The following FILIP1L variants were observed in gnomAD, a reference collection of about 807,000 sequenced individuals.
The protein encoded by FILIP1L is filamin A-interacting protein 1-like.
A neutral mutation model predicts 96.6 loss-of-function variants in FILIP1L; 55 were observed. The observed-to-expected ratio is 0.57, with a 90% CI of 0.46 to 0.71. FILIP1L has a LOEUF of 0.71. Among genes scored for constraint, FILIP1L ranks in the 30% least tolerant of loss-of-function variants. The pLI is 0.00. For missense variants in FILIP1L, 1,304 were observed against 1,321.2 expected (o/e 0.99, Z 0.20); for synonymous variants, 467 against 473.9 (o/e 0.99, Z 0.19).
intron 1 of FILIP1L, among the ~76,000 whole-genome samples, chr3:100,105,320 G>C (rs886903586): frequency 6.6e-6 from 1 of 152,148 alleles, no homozygotes; most frequent in Non-Finnish European, 1.5e-5. Flanking sequence ...ACTCAGGAAA[G>C]ACATGAGCAA....
rs116834279 is a variant in FILIP1L at position 100,024,154 on chromosome 3, A to G, written c.-11+89899T>C. ...AGGTCTTTCAGTGTCATGGTCGCCTATTTCATCTGGTTGTAAATAACAGCC... is the reference window on the plus strand; with the variant it reads ...AGGTCTTTCAGTGTCATGGTCGCCTGTTTCATCTGGTTGTAAATAACAGCC... On this transcript the variant is annotated intron_variant, in intron 1 of 5. Coordinates refer to ENST00000477258, the MANE Select transcript of FILIP1L (RefSeq NM_001387850.1). 4.2e-3 allele frequency among the ~76,000 whole-genome samples: 645 copies of G among 152,102 alleles called. 4 individuals are homozygous for G. Among genetic ancestry groups the G allele is most frequent in the African/African-American group, 0.014 (600 of 41,504 alleles).
intron 1 of FILIP1L, among the ~76,000 whole-genome samples, chr3:100,018,022 GT>G (rs1710395206): frequency 6.6e-6 from 1 of 152,016 alleles, no homozygotes; most frequent in Non-Finnish European, 1.5e-5. Flanking sequence ...GTTGTGCACA[GT>G]GACCAATATG....
chr3:100,009,154 G>T (rs1407718678), intron 1 of FILIP1L, among the ~76,000 whole-genome samples: 4 of 152,160 alleles, frequency 2.6e-5, no homozygotes, highest in Non-Finnish European at 4.4e-5. Flanking sequence ...GCAAGTGACT[G>T]AACTTACTGA....
intron 1 of FILIP1L, among the ~76,000 whole-genome samples, chr3:100,086,046 G>A (rs533893637): frequency 1.3e-5 from 2 of 152,166 alleles, no homozygotes; most frequent in Non-Finnish European, 2.9e-5. Context: ...AATATGATTC[G>A]TGTTAGAGAG....
chr3:99,841,902 C>T (rs559926812), intron 5 of FILIP1L, among the ~76,000 whole-genome samples: 9 of 152,194 alleles, frequency 5.9e-5, no homozygotes, highest in African/African-American at 1.4e-4. Context: ...TAAACTAGTA[C>T]GAGCATGGAA....
At chr3:99,992,022 A>G (rs1188407062) in intron 1 of FILIP1L, among the ~76,000 whole-genome samples, 2 of 150,676 alleles carry the variant, frequency 1.3e-5, no homozygotes, top group Non-Finnish European at 3.0e-5. Context: ...GTATATATAT[A>G]TATACGTGTA....
chr3:99,993,978 C>A (rs1437273690), intron 1 of FILIP1L, among the ~76,000 whole-genome samples: 4 of 152,104 alleles, frequency 2.6e-5, no homozygotes, highest in Non-Finnish European at 4.4e-5. Context: ...GTGATACTGG[C>A]CTCATAGAAT....
chr3:99,879,833 C>G (rs1705661522), intron 4 of FILIP1L, among the ~76,000 whole-genome samples: 2 of 152,112 alleles, frequency 1.3e-5, no homozygotes, highest in South Asian at 4.1e-4. Flanking sequence ...TCTTATGGAC[C>G]TGGTCCTGTA....
intron 1 of FILIP1L, among the ~76,000 whole-genome samples, chr3:100,024,012 C>T (rs960049812): frequency 2.0e-5 from 3 of 152,160 alleles, no homozygotes. Context: ...TTCACTCCCC[C>T]TTCAGCTGAC....
chr3:99,990,782 TA>T (rs199614454), intron 1 of FILIP1L, among the ~76,000 whole-genome samples: 20 of 151,038 alleles, frequency 1.3e-4, no homozygotes, highest in African/African-American at 3.2e-4. Flanking sequence ...ATATTTGTAA[TA>T]AAAAAAAATA....
In FILIP1L at chr3:100,030,113, G is replaced by A. The variant is rs1288646571; in HGVS notation, c.-11+83940C>T. 6.6e-5 allele frequency among the ~76,000 whole-genome samples: 10 copies of A among 152,158 alleles called. No homozygotes were observed. In the South Asian group the frequency reaches 1.4e-3, roughly 22 times the overall value. On this transcript the variant is annotated intron_variant, in intron 1 of 5. Transcript: ENST00000477258. ...ACAGATAAGGAAACGGAGACCCAAC[G>A]AGCACCAAACACTTGCCTAAAGTCA...
At chr3:100,079,068 A>G (rs1467241717) in intron 1 of FILIP1L, among the ~76,000 whole-genome samples, 4 of 152,174 alleles carry the variant, frequency 2.6e-5, no homozygotes, top group Non-Finnish European at 5.9e-5. Flanking sequence ...GACCTCTGCA[A>G]TAGCATTCAG....
intron 5 of FILIP1L, among the ~76,000 whole-genome samples, chr3:99,842,412 A>T (rs957159454): frequency 1.5e-4 from 23 of 152,074 alleles, no homozygotes; most frequent in African/African-American, 5.6e-4. Context: ...GTTGCACCAG[A>T]ATCTCAGAAG....
At chr3:100,096,558 T>C (rs1443148251) in intron 1 of FILIP1L, among the ~76,000 whole-genome samples, 1 of 151,576 alleles carries the variant, frequency 6.6e-6, no homozygotes, top group Non-Finnish European at 1.5e-5. Flanking sequence ...GATGTAGAAA[T>C]CAAAATAATT....
rs367846393 is a variant in FILIP1L at position 99,984,048 on chromosome 3, A to ATGTGTGTGTGTGTGTGTGTGTGTGTGTG, written c.-10-53019_-10-53018insCACACACACACACACACACACACACACA. On this transcript the variant is annotated intron_variant, in intron 1 of 5. Transcript: ENST00000477258. ...TTAATTAGCATGAAAAAGGATGTAT[A>ATGTGTGTGTGTGTGTGTGTGTGTGTGTG]TGTATGTGTGTTTGTGTGTGTGTGT... is the stretch of plus-strand genomic sequence containing the variant. 3.1e-3 allele frequency among the ~76,000 whole-genome samples: 455 copies of ATGTGTGTGTGTGTGTGTGTGTGTGTGTG among 147,666 alleles called. 1 individual carries two copies. Among genetic ancestry groups the ATGTGTGTGTGTGTGTGTGTGTGTGTGTG allele is most frequent in the African/African-American group, 8.7e-3 (345 of 39,548 alleles).
chr3:99,937,798 G>A (rs964204497), intron 1 of FILIP1L, among the ~76,000 whole-genome samples: 11 of 152,178 alleles, frequency 7.2e-5, no homozygotes, highest in South Asian at 2.1e-4. Context: ...TTAGAAAAAG[G>A]GTACTGAGAA....
intron 4 of FILIP1L, among the ~76,000 whole-genome samples, chr3:99,856,753 G>T (rs928190056): frequency 9.2e-5 from 14 of 152,124 alleles, no homozygotes; most frequent in Non-Finnish European, 1.8e-4. Context: ...CACTCAGAGG[G>T]TTTTTTCAGT....
chr3:99,957,773 G>A (rs1708376571), intron 1 of FILIP1L, among the ~76,000 whole-genome samples: 1 of 132,126 alleles, frequency 7.6e-6, no homozygotes, highest in African/African-American at 2.8e-5. Flanking sequence ...GTTCCATTCA[G>A]TGATATAAAG....
chr3:100,073,470 G>A (rs2065795460), intron 1 of FILIP1L, among the ~76,000 whole-genome samples: 1 of 152,184 alleles, frequency 6.6e-6, no homozygotes, highest in Admixed American at 6.5e-5. Context: ...AAAGACTGGG[G>A]TAGAGGAGAT....
Sources: gnomAD v4.1 joint callset for allele counts (sites outside exome capture counted in the v4.1 genomes callset) on GRCh38, gnomAD v4.1.1 for gene constraint, MANE v1.5 for transcripts, NCBI Gene and HGNC (gene_info 2026-07-23, HGNC 2026-07-21) for gene names.